The following CTTNBP2NL variants were observed in gnomAD, a reference collection of about 807,000 sequenced individuals.
CTTNBP2NL encodes CTTNBP2 N-terminal like, also known as CTTNBP2 N-terminal-like protein.
In CTTNBP2NL, 16 loss-of-function variants were observed where a neutral mutation model predicts 32.5. The observed-to-expected ratio is 0.49, with a 90% CI of 0.33 to 0.75. The LOEUF (loss-of-function observed/expected upper bound fraction) is 0.75. Among genes scored for constraint, CTTNBP2NL ranks in the 30% least tolerant of loss-of-function variants. The pLI is 0.02. For missense variants in CTTNBP2NL, 645 were observed against 756.0 expected, an observed-to-expected ratio of 0.85 and a Z score of 1.72; for synonymous variants, 298 against 289.4, an observed-to-expected ratio of 1.03 and a Z score of -0.30.
At chr1:112,453,460 T>C (rs1160734420) in intron 4 of CTTNBP2NL, among the ~76,000 whole-genome samples, 1 of 152,020 alleles carries the variant, frequency 6.6e-6, no homozygotes, top group Admixed American at 6.5e-5. Context: ...CTCTTTAAAT[T>C]TGTATTCTTG....
intron 3 of CTTNBP2NL, among the ~76,000 whole-genome samples, chr1:112,422,582 A>T (rs1008673620): frequency 6.6e-5 from 10 of 152,178 alleles, no homozygotes; most frequent in African/African-American, 2.4e-4. Flanking sequence ...TTGCAAAGCG[A>T]TTGTACCATT....
At chr1:112,451,862 A>G (rs1650229635) in intron 4 of CTTNBP2NL, among the ~76,000 whole-genome samples, 1 of 151,864 alleles carries the variant, frequency 6.6e-6, no homozygotes. Flanking sequence ...TCTCCTCTGC[A>G]GTACCTGCCA....
At chr1:112,448,538 G>A (rs978702414) in intron 3 of CTTNBP2NL, among the ~76,000 whole-genome samples, 1 of 152,124 alleles carries the variant, frequency 6.6e-6, no homozygotes. Context: ...TATAAGCAGA[G>A]TCAGTAAGCA....
intron 3 of CTTNBP2NL, among the ~76,000 whole-genome samples, chr1:112,446,581 C>T (rs1056756182): frequency 1.3e-5 from 2 of 152,066 alleles, no homozygotes; most frequent in Non-Finnish European, 2.9e-5. Flanking sequence ...GAAACAGGTT[C>T]TTCTTCTGTT....
intron 3 of CTTNBP2NL, among the ~76,000 whole-genome samples, chr1:112,436,667 TTA>T (rs2101020809): frequency 7.1e-6 from 1 of 139,868 alleles, no homozygotes; most frequent in African/African-American, 2.6e-5. Flanking sequence ...TTTTTTTTTT[TTA>T]ACTTTTATTT....
chr1:112,436,991 T>C (rs1445233440), intron 3 of CTTNBP2NL, among the ~76,000 whole-genome samples: 1 of 152,238 alleles, frequency 6.6e-6, no homozygotes, highest in Non-Finnish European at 1.5e-5. Context: ...TTTTTATGGC[T>C]GTGTAGTATT....
At position 112,449,134 on chromosome 1, in the gene CTTNBP2NL, C is replaced by T. The variant is rs781291441; in HGVS notation, c.292C>T (p.Leu98=). The T allele has an allele frequency of 1.2e-6, 2 of 1,613,110 alleles. No individual in the cohort carries two copies. The highest frequency in any genetic ancestry group is 2.7e-5 in the African/African-American group (2 of 74,922). The change falls in exon 4 of 6, where the codon CTG becomes TTG. Residue 98 remains leucine (L), a synonymous_variant. Coordinates refer to ENST00000271277, the MANE Select transcript of CTTNBP2NL (RefSeq NM_018704.3). ...KQCKNMQERM[L]SQLAAAESRH... is the part of the protein sequence containing the mutation. ...GTGCAAGAACATGCAGGAGCGCATG[C>T]TGTCCCAGCTGGCTGCTGCTGAGAG...
chr1:112,446,241 C>T (rs1427171663), intron 3 of CTTNBP2NL, among the ~76,000 whole-genome samples: 1 of 150,470 alleles, frequency 6.6e-6, no homozygotes, highest in Non-Finnish European at 1.5e-5. Flanking sequence ...TGGTATGTGC[C>T]TTTAGTCCCA....
intron 3 of CTTNBP2NL, among the ~76,000 whole-genome samples, chr1:112,423,750 G>A (rs1264411284): frequency 6.6e-6 from 1 of 152,186 alleles, no homozygotes; most frequent in African/African-American, 2.4e-5. Context: ...TTGAGACGGA[G>A]TCTCGCTGTG....
intron 4 of CTTNBP2NL, among the ~76,000 whole-genome samples, chr1:112,452,828 A>C (rs1268190146): frequency 6.6e-6 from 1 of 151,606 alleles, no homozygotes; most frequent in Non-Finnish European, 1.5e-5. Flanking sequence ...TTTTTTGTAG[A>C]AATGGGGTTT....
chr1:112,415,609 T>TA (rs1649034428), intron 2 of CTTNBP2NL, among the ~76,000 whole-genome samples: 1 of 150,268 alleles, frequency 6.7e-6, no homozygotes, highest in Non-Finnish European at 1.5e-5. Context: ...CAGGCTGGAG[T>TA]ACAGTGGCGT....
At chr1:112,424,965 A>G (rs1024665079) in intron 3 of CTTNBP2NL, among the ~76,000 whole-genome samples, 1 of 148,830 alleles carries the variant, frequency 6.7e-6, no homozygotes, top group Non-Finnish European at 1.5e-5. Context: ...ACAGGCACAC[A>G]CCACAACGCC....
At chr1:112,440,726 T>C (rs1649869632) in intron 3 of CTTNBP2NL, among the ~76,000 whole-genome samples, 1 of 152,240 alleles carries the variant, frequency 6.6e-6, no homozygotes, top group Non-Finnish European at 1.5e-5. Context: ...ATAACACTTA[T>C]TGTTCTTCAC....
chr1:112,434,503 C>T (rs933403995), intron 3 of CTTNBP2NL, among the ~76,000 whole-genome samples: 5 of 152,094 alleles, frequency 3.3e-5, no homozygotes, highest in African/African-American at 1.2e-4. Context: ...GACTTTAGAT[C>T]CAAATGGTCT....
chr1:112,413,564 G>A (rs1648950385), intron 2 of CTTNBP2NL, among the ~76,000 whole-genome samples: 1 of 152,178 alleles, frequency 6.6e-6, no homozygotes, highest in Non-Finnish European at 1.5e-5. Flanking sequence ...AGATGCAGAT[G>A]TGGCATCTGA....
chr1:112,397,939 A>T (rs1430204233), intron 1 of CTTNBP2NL, among the ~76,000 whole-genome samples: 1 of 152,196 alleles, frequency 6.6e-6, no homozygotes, highest in Non-Finnish European at 1.5e-5. Flanking sequence ...TTTCAGAGCC[A>T]CTCGGTGCTC....
chr1:112,424,302 T>C (rs1649325686), intron 3 of CTTNBP2NL, among the ~76,000 whole-genome samples: 1 of 152,212 alleles, frequency 6.6e-6, no homozygotes, highest in African/African-American at 2.4e-5. Context: ...CTCTTTAGAA[T>C]GGTCTTTGCA....
rs181988998 is a variant in CTTNBP2NL at position 112,414,141 on chromosome 1, G to A, written c.-10+1824G>A. 2.8e-3 allele frequency among the ~76,000 whole-genome samples: 423 copies of A among 152,118 alleles called. 3 individuals are homozygous for A. The highest frequency in any genetic ancestry group is 4.7e-3 in the Non-Finnish European group (322 of 67,994). On this transcript the variant is annotated intron_variant, in intron 2 of 5. Transcript: ENST00000271277. ...AGCACTTTGGGAGACTGAGGTGGGCGGATCACCTGAGGTCAGGAGTTCAAG... is the reference window on the plus strand; with the variant it reads ...AGCACTTTGGGAGACTGAGGTGGGCAGATCACCTGAGGTCAGGAGTTCAAG...
chr1:112,416,609 C>T (rs1465669189), intron 3 of CTTNBP2NL, among the ~76,000 whole-genome samples: 1 of 151,968 alleles, frequency 6.6e-6, no homozygotes, highest in African/African-American at 2.4e-5. Context: ...GTTCCTGCCC[C>T]AGCCTCCTGA....
Sources: gnomAD v4.1 joint callset for allele counts (sites outside exome capture counted in the v4.1 genomes callset) on GRCh38, gnomAD v4.1.1 for gene constraint, MANE v1.5 for transcripts, NCBI Gene and HGNC (gene_info 2026-07-23, HGNC 2026-07-21) for gene names.